The following HSPBAP1 variants were observed in gnomAD, a reference collection of about 807,000 sequenced individuals.
HSPBAP1 encodes the protein HSPB1-associated protein 1.
Under a neutral mutation model 45.2 loss-of-function variants are expected in HSPBAP1, and 27 were observed. That is an observed-to-expected ratio of 0.60 (90% confidence interval 0.44 to 0.82). The LOEUF is 0.82. Among genes scored for constraint, HSPBAP1 ranks in the 40% least tolerant of loss-of-function variants. HSPBAP1 has a pLI of 0.00. For synonymous variants in HSPBAP1, 204 were observed against 202.7 expected (o/e 1.01, Z -0.06); for missense variants, 510 against 590.9 (o/e 0.86, Z 1.42).
intron 3 of HSPBAP1, among the ~76,000 whole-genome samples, chr3:122,766,135 C>A (rs905309449): frequency 6.6e-6 from 1 of 152,132 alleles, no homozygotes; most frequent in African/African-American, 2.4e-5. Flanking sequence ...ACAATCTATC[C>A]CTCTAATGAC....
chr3:122,780,979 T>C (rs1935444091), intron 1 of HSPBAP1, among the ~76,000 whole-genome samples: 1 of 144,252 alleles, frequency 6.9e-6, no homozygotes, highest in African/African-American at 2.6e-5. Flanking sequence ...GAGACGCTCC[T>C]CACTTCCTAG....
chr3:122,771,460 C>T (rs1458949280), intron 2 of HSPBAP1, among the ~76,000 whole-genome samples: 1 of 152,200 alleles, frequency 6.6e-6, no homozygotes, highest in African/African-American at 2.4e-5. Flanking sequence ...CAGTGTTGTA[C>T]AAGCTGAGCT....
chr3:122,755,192 TAAGGA>T lies in HSPBAP1; in HGVS notation c.741+63_741+67del, dbSNP rs1934302454. The T allele has an allele frequency of 3.0e-6, 4 of 1,340,412 alleles. No homozygotes were observed. The African/African-American group carries it at 6.0e-5, about 20-fold the overall frequency. The allele number at this position is 1,340,412 out of a possible 1,614,324, so 83.0% of individuals were successfully genotyped here. ...GCGCAGGGAGGGGAAGCACACAGCATAAGGACTTGAGAGAGTTACAGCTGTGGTGT... is the reference window on the plus strand; with the variant it reads ...GCGCAGGGAGGGGAAGCACACAGCATCTTGAGAGAGTTACAGCTGTGGTGT... On this transcript the variant is annotated intron_variant, in intron 5 of 7. Coordinates refer to ENST00000306103, the MANE Select transcript of HSPBAP1 (RefSeq NM_024610.6).
chr3:122,748,350 T>A (rs1178464660), intron 6 of HSPBAP1, among the ~76,000 whole-genome samples: 7 of 147,826 alleles, frequency 4.7e-5, no homozygotes, highest in Non-Finnish European at 1.0e-4. Flanking sequence ...CAAATCCCCC[T>A]CTGTGAGAAA....
intron 6 of HSPBAP1, among the ~76,000 whole-genome samples, chr3:122,745,086 T>C (rs1305149937): frequency 6.6e-6 from 1 of 152,182 alleles, no homozygotes; most frequent in Non-Finnish European, 1.5e-5. Context: ...TAGCATTTCA[T>C]AGTCAGGAAC....
intron 1 of HSPBAP1, among the ~76,000 whole-genome samples, chr3:122,780,677 A>C (rs1264517250): frequency 6.7e-6 from 1 of 148,586 alleles, no homozygotes; most frequent in Non-Finnish European, 1.5e-5. Context: ...TCCCTCCCGG[A>C]CGGGGTGGCT....
intron 6 of HSPBAP1, among the ~76,000 whole-genome samples, chr3:122,747,658 C>T (rs866845114): frequency 0.011 from 1,547 of 146,606 alleles, 40 homozygotes; most frequent in African/African-American, 0.038. Flanking sequence ...GCCCGGCCAG[C>T]CGCCCCGTCC....
intron 1 of HSPBAP1, among the ~76,000 whole-genome samples, chr3:122,787,468 C>A (rs1454272771): frequency 1.3e-5 from 2 of 152,064 alleles, no homozygotes; most frequent in Non-Finnish European, 2.9e-5. Flanking sequence ...TAACAAAAAT[C>A]TTGAAATTGA....
At chr3:122,792,391 G>C (rs574735094) in intron 1 of HSPBAP1, among the ~76,000 whole-genome samples, 86 of 152,218 alleles carry the variant, frequency 5.6e-4, no homozygotes, top group Non-Finnish European at 9.7e-4. Flanking sequence ...TCTGGATAAG[G>C]GGGTGCAGTG....
intron 4 of HSPBAP1, among the ~76,000 whole-genome samples, chr3:122,756,081 T>C (rs1934346068): frequency 6.6e-6 from 1 of 152,218 alleles, no homozygotes; most frequent in Non-Finnish European, 1.5e-5. Flanking sequence ...GACACTCCTA[T>C]GCTTTATGCC....
chr3:122,772,565 A>G (rs1405836076), intron 2 of HSPBAP1, among the ~76,000 whole-genome samples: 1 of 152,174 alleles, frequency 6.6e-6, no homozygotes, highest in Non-Finnish European at 1.5e-5. Flanking sequence ...TACAGGAATA[A>G]AATTTCCAAA....
At chr3:122,786,059 A>G (rs1318051680) in intron 1 of HSPBAP1, among the ~76,000 whole-genome samples, 1 of 152,124 alleles carries the variant, frequency 6.6e-6, no homozygotes, top group Non-Finnish European at 1.5e-5. Context: ...AACCAAAAGA[A>G]TGCAAATATG....
chr3:122,784,084 C>T (rs541820125), intron 1 of HSPBAP1, among the ~76,000 whole-genome samples: 9 of 152,288 alleles, frequency 5.9e-5, no homozygotes, highest in Admixed American at 2.0e-4. Context: ...CCACCTTGGT[C>T]TCCCAAAGTG....
intron 6 of HSPBAP1, among the ~76,000 whole-genome samples, chr3:122,747,449 T>C (rs1338624502): frequency 1.0e-3 from 149 of 148,280 alleles, no homozygotes; most frequent in Non-Finnish European, 1.9e-3. Flanking sequence ...GTGAGGAGCG[T>C]CTCCGCCCGG....
intron 2 of HSPBAP1, among the ~76,000 whole-genome samples, chr3:122,773,217 TAGTC>T (rs1935063391): frequency 6.6e-6 from 1 of 150,734 alleles, no homozygotes; most frequent in Non-Finnish European, 1.5e-5. Context: ...AATAAGGAAA[TAGTC>T]AAAGACCAAT....
intron 6 of HSPBAP1, chr3:122,741,416 G>T (rs1215396846): frequency 1.4e-5 from 4 of 277,136 alleles, no homozygotes; most frequent in South Asian, 5.6e-5. Context: ...CATGTTTAAA[G>T]TTTTTTTTTT....
chr3:122,743,458 C>T (rs370317817), intron 6 of HSPBAP1, among the ~76,000 whole-genome samples: 2 of 151,964 alleles, frequency 1.3e-5, no homozygotes, highest in South Asian at 2.1e-4. Context: ...CCCAGCTACT[C>T]AGGAGGCTGA....
chr3:122,755,870 C>T (rs1576244788), intron 4 of HSPBAP1, among the ~76,000 whole-genome samples: 1 of 152,146 alleles, frequency 6.6e-6, no homozygotes, highest in South Asian at 2.1e-4. Context: ...CAAATAGTTT[C>T]CAGACTTCTC....
At chr3:122,764,385 G>A (rs1253254773) in intron 3 of HSPBAP1, among the ~76,000 whole-genome samples, 2 of 152,098 alleles carry the variant, frequency 1.3e-5, no homozygotes, top group Non-Finnish European at 2.9e-5. Flanking sequence ...GCATTTGTCA[G>A]CCTTGGTAAG....
Sources: gnomAD v4.1 joint callset for allele counts (sites outside exome capture counted in the v4.1 genomes callset) on GRCh38, gnomAD v4.1.1 for gene constraint, MANE v1.5 for transcripts, NCBI Gene and HGNC (gene_info 2026-07-23, HGNC 2026-07-21) for gene names.